The following GABRB1 variants were observed in gnomAD, a reference collection of about 807,000 sequenced individuals.
The protein encoded by GABRB1 is gamma-aminobutyric acid receptor subunit beta-1.
GABRB1 carries 17 observed loss-of-function variants against 51.6 expected under a neutral mutation model. That is an observed-to-expected ratio of 0.33 (90% CI 0.23 to 0.49). GABRB1 has a LOEUF of 0.49. Ranked by LOEUF, GABRB1 falls within the 20% of genes least tolerant of loss-of-function variation. The pLI, the probability that GABRB1 is intolerant of heterozygous loss-of-function variation, is 0.99. For missense variants in GABRB1, 410 were observed against 600.6 expected, an observed-to-expected ratio of 0.68 and a Z score of 3.32; for synonymous variants, 247 against 218.9, an observed-to-expected ratio of 1.13 and a Z score of -1.14.
At chr4:47,067,757 G>A (rs1398623006) in intron 3 of GABRB1, among the ~76,000 whole-genome samples, 1 of 151,440 alleles carries the variant, frequency 6.6e-6, no homozygotes, top group Non-Finnish European at 1.5e-5. Flanking sequence ...TTAAGTTCTG[G>A]GGTACATGTG....
At chr4:47,372,511 C>T (rs563948373) in intron 5 of GABRB1, among the ~76,000 whole-genome samples, 19 of 152,244 alleles carry the variant, frequency 1.2e-4, no homozygotes, top group African/African-American at 4.6e-4. Context: ...TGGCCATTTT[C>T]GGTTATTTAC....
At chr4:47,003,088 A>C (rs1191596795) in intron 1 of GABRB1, among the ~76,000 whole-genome samples, 2 of 150,236 alleles carry the variant, frequency 1.3e-5, no homozygotes, top group Admixed American at 6.6e-5. Context: ...ATAAAAAAAA[A>C]CTTTGTTCTT....
At chr4:47,287,387 T>C (rs1723550487) in intron 4 of GABRB1, among the ~76,000 whole-genome samples, 1 of 152,234 alleles carries the variant, frequency 6.6e-6, no homozygotes. Flanking sequence ...ATATAACTTC[T>C]TCTATGACAC....
At chr4:47,319,334 T>A (rs1370053054) in intron 4 of GABRB1, among the ~76,000 whole-genome samples, 2 of 152,100 alleles carry the variant, frequency 1.3e-5, no homozygotes, top group Admixed American at 6.5e-5. Context: ...TCCCTCTCTC[T>A]GGGAGTTCAG....
intron 4 of GABRB1, among the ~76,000 whole-genome samples, chr4:47,203,765 G>A (rs1472169327): frequency 1.3e-5 from 2 of 151,994 alleles, no homozygotes; most frequent in Non-Finnish European, 2.9e-5. Flanking sequence ...ATCCCATCGA[G>A]ACATCACAGC....
intron 3 of GABRB1, among the ~76,000 whole-genome samples, chr4:47,047,546 A>G (rs1220238815): frequency 5.9e-5 from 9 of 152,172 alleles, no homozygotes; most frequent in Non-Finnish European, 1.5e-5. Context: ...AGGTCACTAC[A>G]TCAGTTAGAT....
intron 1 of GABRB1, among the ~76,000 whole-genome samples, chr4:47,004,133 C>T (rs931833581): frequency 6.6e-6 from 1 of 151,908 alleles, no homozygotes; most frequent in Admixed American, 6.6e-5. Context: ...GGACTACAGG[C>T]GCGTCCCACC....
At chr4:47,207,621 C>T (rs901994140) in intron 4 of GABRB1, among the ~76,000 whole-genome samples, 1 of 151,994 alleles carries the variant, frequency 6.6e-6, no homozygotes, top group African/African-American at 2.4e-5. Flanking sequence ...AAGTATTATG[C>T]TGATGTTTTG....
intron 4 of GABRB1, among the ~76,000 whole-genome samples, chr4:47,250,126 G>T (rs1721927560): frequency 6.6e-6 from 1 of 152,120 alleles, no homozygotes; most frequent in Non-Finnish European, 1.5e-5. Flanking sequence ...CCTTTTAACA[G>T]TTCTTATAGT....
chr4:47,144,142 A>C (rs1238488952), intron 3 of GABRB1, among the ~76,000 whole-genome samples: 1 of 151,976 alleles, frequency 6.6e-6, no homozygotes, highest in African/African-American at 2.4e-5. Context: ...AGATAAGAAG[A>C]AGTGCCAAAT....
At chr4:47,119,419 C>T (rs1715655257) in intron 3 of GABRB1, among the ~76,000 whole-genome samples, 1 of 151,538 alleles carries the variant, frequency 6.6e-6, no homozygotes, top group Non-Finnish European at 1.5e-5. Flanking sequence ...TTAAATTTGA[C>T]CACATTAAAA....
At chr4:47,168,590 G>T (rs141219646) in intron 4 of GABRB1, among the ~76,000 whole-genome samples, 152 of 152,142 alleles carry the variant, frequency 1.0e-3, no homozygotes, top group African/African-American at 3.6e-3. Context: ...TGCTTCATAG[G>T]CAGTATAGTA....
At chr4:47,232,346 T>C (rs1237311689) in intron 4 of GABRB1, among the ~76,000 whole-genome samples, 1 of 152,242 alleles carries the variant, frequency 6.6e-6, no homozygotes, top group Non-Finnish European at 1.5e-5. Context: ...TATGTATTTT[T>C]TACCATTTTT....
At chr4:47,057,517 G>A (rs1169033731) in intron 3 of GABRB1, among the ~76,000 whole-genome samples, 3 of 152,234 alleles carry the variant, frequency 2.0e-5, no homozygotes, top group Non-Finnish European at 4.4e-5. Context: ...CTAAAGATGA[G>A]TTCCTTTACA....
At chr4:47,152,044 T>C (rs1231681602) in intron 3 of GABRB1, among the ~76,000 whole-genome samples, 1 of 152,058 alleles carries the variant, frequency 6.6e-6, no homozygotes, top group Non-Finnish European at 1.5e-5. Flanking sequence ...ATTTTACTTT[T>C]GCCATATGCT....
At chr4:47,299,804 A>G (rs13140691) in intron 4 of GABRB1, among the ~76,000 whole-genome samples, 37 of 152,150 alleles carry the variant, frequency 2.4e-4, no homozygotes, top group South Asian at 2.1e-3. Flanking sequence ...TGTTTATTGC[A>G]GCACTATTCA....
At chr4:47,005,708 C>G (rs1724369356) in intron 1 of GABRB1, among the ~76,000 whole-genome samples, 2 of 99,666 alleles carry the variant, frequency 2.0e-5, no homozygotes, top group Non-Finnish European at 4.6e-5. Context: ...CTTTACGTCT[C>G]CCTCTGCAAC....
intron 3 of GABRB1, among the ~76,000 whole-genome samples, chr4:47,093,537 T>G (rs1714234274): frequency 6.6e-6 from 1 of 152,204 alleles, no homozygotes; most frequent in South Asian, 2.1e-4. Flanking sequence ...ATTGCAAAGT[T>G]GTAGTCAGTA....
At chr4:47,171,099 A>G (rs10030659) in intron 4 of GABRB1, among the ~76,000 whole-genome samples, 104,809 of 151,958 alleles carry the variant, frequency 0.69, 36,918 homozygotes, top group Middle Eastern at 0.86. Flanking sequence ...CAGTTATTAC[A>G]GCTATTGTGT....
Sources: gnomAD v4.1 joint callset for allele counts (sites outside exome capture counted in the v4.1 genomes callset) on GRCh38, gnomAD v4.1.1 for gene constraint, MANE v1.5 for transcripts, NCBI Gene and HGNC (gene_info 2026-07-23, HGNC 2026-07-21) for gene names.